DCDC1: variants seen among roughly 807,000 people sequenced by gnomAD.
DCDC1 encodes the protein doublecortin domain containing 1.
DCDC1 carries 200 observed loss-of-function variants against 178.3 expected under a neutral mutation model. That is an observed-to-expected ratio of 1.12 (90% CI 1.00 to 1.26). DCDC1 has a LOEUF of 1.26. Among genes scored for constraint, DCDC1 ranks in the 50% most tolerant of loss-of-function variants. DCDC1 has a pLI of 0.00. For missense variants in DCDC1, 1,983 were observed against 1,749.2 expected (o/e 1.13, Z -2.38); for synonymous variants, 690 against 604.8 (o/e 1.14, Z -2.07).
intron 38 of DCDC1, among the ~76,000 whole-genome samples, chr11:30,872,692 T>C (rs1177859455): frequency 6.6e-6 from 1 of 152,092 alleles, no homozygotes; most frequent in Non-Finnish European, 1.5e-5. Flanking sequence ...CAATGGCTGA[T>C]TCATTCTTGT....
intron 23 of DCDC1, among the ~76,000 whole-genome samples, chr11:30,924,954 T>C (rs187355335): frequency 3.3e-5 from 5 of 151,712 alleles, no homozygotes; most frequent in Admixed American, 3.3e-4. Flanking sequence ...ATGCCTATAA[T>C]CCCAGCTACT....
At chr11:31,289,279 G>C (rs1947052090) in intron 7 of DCDC1, among the ~76,000 whole-genome samples, 1 of 151,938 alleles carries the variant, frequency 6.6e-6, no homozygotes, top group Non-Finnish European at 1.5e-5. Context: ...CTGTCTCCAA[G>C]AATGACTGCA....
rs368437846 is a variant in DCDC1, at chr11:31,094,158, G to A, written c.2010C>T (p.Ala670=). 181 of 766,010 alleles carry A rather than the reference G, an allele frequency of 2.4e-4. No individual in the cohort carries two copies. The Admixed American group carries it at 2.9e-3, about 12-fold the overall frequency. The allele number at this position is 766,010 out of a possible 1,614,324, so 47.5% of individuals were successfully genotyped here. A position where few individuals can be genotyped will look rare whatever the true frequency, so the allele number is the denominator to read the frequency against. Residue 670 remains alanine, a synonymous_variant, in exon 16 of 39, where the codon GCC becomes GCT. Coordinates refer to ENST00000684477, the MANE Select transcript of DCDC1 (RefSeq NM_001387274.1). ...AACTCCACTTTCCAATGGAAACAGA[G>A]GCATGAAGGACAATATTGGGATCTA... The part of the protein sequence containing the change: ...NKVDPNIVLH[A]SVSIGKWSFS...
intron 18 of DCDC1, among the ~76,000 whole-genome samples, chr11:31,073,280 T>C (rs922710076): frequency 6.6e-6 from 1 of 152,092 alleles, no homozygotes; most frequent in Non-Finnish European, 1.5e-5. Context: ...CATTTGATAA[T>C]CAGCGATAAT....
chr11:31,053,998 A>G (rs1955428125), intron 20 of DCDC1, among the ~76,000 whole-genome samples: 1 of 152,168 alleles, frequency 6.6e-6, no homozygotes, highest in Non-Finnish European at 1.5e-5. Context: ...AAATAAATAA[A>G]GGACATCCAA....
chr11:31,035,400 A>G (rs969835112), intron 20 of DCDC1, among the ~76,000 whole-genome samples: 1 of 152,202 alleles, frequency 6.6e-6, no homozygotes, highest in Admixed American at 6.5e-5. Flanking sequence ...GTCTCCTCTG[A>G]CCTGTGATAA....
chr11:31,270,527 T>C (rs951336339), intron 7 of DCDC1, among the ~76,000 whole-genome samples: 5 of 152,178 alleles, frequency 3.3e-5, no homozygotes, highest in Admixed American at 6.5e-5. Flanking sequence ...AACTCTTCCA[T>C]TGTGTACTCT....
chr11:31,133,153 A>G (rs1304590457), intron 10 of DCDC1, among the ~76,000 whole-genome samples: 1 of 152,192 alleles, frequency 6.6e-6, no homozygotes, highest in African/African-American at 2.4e-5. Flanking sequence ...TACATTGGCT[A>G]TTATTAATGA....
At chr11:31,015,795 T>C (rs1156477) in intron 20 of DCDC1, among the ~76,000 whole-genome samples, 3,729 of 152,274 alleles carry the variant, frequency 0.024, 162 homozygotes, top group African/African-American at 0.081. Flanking sequence ...GGATTTCCAA[T>C]TGGGTGAAGC....
chr11:31,152,036 T>A (rs765259748), intron 9 of DCDC1, among the ~76,000 whole-genome samples: 14 of 152,200 alleles, frequency 9.2e-5, no homozygotes, highest in Non-Finnish European at 1.9e-4. Context: ...TGTGTGTGTC[T>A]CATAACATCA....
intron 25 of DCDC1, 95 bp downstream of exon 25, chr11:30,920,681 A>T: frequency 6.9e-7 from 1 of 1,448,064 alleles, no homozygotes; most frequent in South Asian, 1.4e-5. Context: ...CAAACTTGGC[A>T]TGAGCTCCCT....
At chr11:31,135,273 C>A (rs1395753450) in intron 10 of DCDC1, among the ~76,000 whole-genome samples, 2 of 152,136 alleles carry the variant, frequency 1.3e-5, no homozygotes, top group Non-Finnish European at 2.9e-5. Flanking sequence ...TTTTTCCTTT[C>A]TCTTTTCCAT....
chr11:31,306,460 G>T, intron 4 of DCDC1, 72 bp from the exon 5 acceptor site: 1 of 1,440,712 alleles, frequency 6.9e-7, no homozygotes, highest in South Asian at 1.6e-5. Context: ...TATTATCCTG[G>T]ATTTTTTTAA....
chr11:31,335,050 C>T (rs1350769723), intron 2 of DCDC1, among the ~76,000 whole-genome samples: 1 of 152,200 alleles, frequency 6.6e-6, no homozygotes, highest in Non-Finnish European at 1.5e-5. Flanking sequence ...CTGCGGAGGG[C>T]TCTGCCCCGT....
At position 31,154,989 on chromosome 11, in the gene DCDC1, T is replaced by C. The variant is rs538083665; in HGVS notation, c.1222-17205A>G. On this transcript the variant is annotated intron_variant, in intron 9 of 38. Transcript: ENST00000684477. ...GCATTTTTAGGCAAAGGGACATTTA[T>C]TGTATAAACTTGTAACTAATATATA... is the stretch of plus-strand genomic sequence containing the variant. Among the ~76,000 whole-genome samples, 30 of 152,380 alleles carry C rather than the reference T, an allele frequency of 2.0e-4. No individual in the cohort carries two copies. In the South Asian group the frequency reaches 5.2e-3, roughly 26 times the overall value.
intron 20 of DCDC1, among the ~76,000 whole-genome samples, chr11:30,969,916 T>C (rs1949684441): frequency 6.6e-6 from 1 of 152,212 alleles, no homozygotes; most frequent in African/African-American, 2.4e-5. Flanking sequence ...ACTAGAGGTA[T>C]CTGGTATTTG....
intron 20 of DCDC1, among the ~76,000 whole-genome samples, chr11:31,006,508 A>T (rs1204806879): frequency 1.3e-5 from 2 of 152,202 alleles, no homozygotes; most frequent in Non-Finnish European, 2.9e-5. Context: ...CTAGAAGCAG[A>T]CTACCTTAAA....
At chr11:30,978,802 ACACACACACACACACACACACACACC>A (rs937389948) in intron 20 of DCDC1, among the ~76,000 whole-genome samples, 1 of 50,442 alleles carries the variant, frequency 2.0e-5, no homozygotes, top group African/African-American at 4.7e-5. Flanking sequence ...ACACACACAC[ACACACACACACACACACACACACACC>A]CCCTTCTCAG....
chr11:31,153,184 GT>G (rs1480276589), intron 9 of DCDC1, among the ~76,000 whole-genome samples: 1 of 152,136 alleles, frequency 6.6e-6, no homozygotes, highest in Non-Finnish European at 1.5e-5. Context: ...CTGCCTACAG[GT>G]TAGAAACCCA....
Sources: allele counts gnomAD v4.1 joint callset (sites outside exome capture counted in the v4.1 genomes callset), GRCh38; gene constraint gnomAD v4.1.1; transcripts MANE v1.5; gene names NCBI Gene and HGNC (gene_info 2026-07-23, HGNC 2026-07-21).